Variants in MCPH1 observed in about 807,000 individuals in gnomAD.
The protein encoded by MCPH1 is microcephalin 1, also known as microcephalin.
Under a neutral mutation model 84.5 loss-of-function variants are expected in MCPH1, and 104 were observed. That is an observed-to-expected ratio of 1.23 (90% CI 1.05 to 1.45). The LOEUF is 1.45. Ranked by LOEUF, MCPH1 falls within the 40% of genes most tolerant of loss-of-function variation. The probability of loss-of-function intolerance (pLI) is 0.00; values close to 1 mark genes in which losing one functional copy is unlikely to be tolerated. For missense variants in MCPH1, 1,498 were observed against 1,005.7 expected, an observed-to-expected ratio of 1.49 and a Z score of -6.62; for synonymous variants, 514 against 366.8, an observed-to-expected ratio of 1.40 and a Z score of -4.58.
At chr8:6,472,737 G>C (rs1004940688) in intron 9 of MCPH1, among the ~76,000 whole-genome samples, 1 of 152,124 alleles carries the variant, frequency 6.6e-6, no homozygotes, top group African/African-American at 2.4e-5. Flanking sequence ...CAAAGTGCTG[G>C]AATTACAGGG....
chr8:6,479,436 A>T (rs903410134), intron 10 of MCPH1, among the ~76,000 whole-genome samples: 1 of 147,858 alleles, frequency 6.8e-6, no homozygotes, highest in Non-Finnish European at 1.5e-5. Flanking sequence ...TTATTTATTT[A>T]TTTATTTATT....
chr8:6,452,258 T>A (rs1055323094), intron 8 of MCPH1, among the ~76,000 whole-genome samples: 1 of 152,258 alleles, frequency 6.6e-6, no homozygotes, highest in African/African-American at 2.4e-5. Context: ...AGCTGAAGGT[T>A]GTGATTTAAC....
At chr8:6,413,178 A>G (rs1798777691) in intron 2 of MCPH1, among the ~76,000 whole-genome samples, 2 of 152,200 alleles carry the variant, frequency 1.3e-5, no homozygotes, top group African/African-American at 4.8e-5. Context: ...TGAGTGTAAA[A>G]TGCTAGCACA....
chr8:6,470,910 T>C (rs770349469), intron 9 of MCPH1, among the ~76,000 whole-genome samples: 15 of 152,268 alleles, frequency 9.9e-5, no homozygotes, highest in Non-Finnish European at 1.8e-4. Flanking sequence ...GTGTCTTTTC[T>C]ACCATCCAGT....
chr8:6,626,608 T>C (rs1832105742), intron 13 of MCPH1: 1 of 984,320 alleles, frequency 1.0e-6, no homozygotes, highest in Admixed American at 6.2e-5. Context: ...ATATTGATAA[T>C]ACATATTATA....
intron 12 of MCPH1, among the ~76,000 whole-genome samples, chr8:6,576,351 G>C (rs1827096538): frequency 6.6e-6 from 1 of 152,066 alleles, no homozygotes; most frequent in African/African-American, 2.4e-5. Flanking sequence ...CCAGCACTTA[G>C]GCACTTATCC....
chr8:6,506,635 G>A (rs781594757), intron 12 of MCPH1, among the ~76,000 whole-genome samples: 1 of 152,120 alleles, frequency 6.6e-6, no homozygotes, highest in African/African-American at 2.4e-5. Context: ...CTTTAAAAAG[G>A]ATGATTGTGC....
chr8:6,411,718 T>C (rs994030991), intron 2 of MCPH1, among the ~76,000 whole-genome samples: 2 of 152,220 alleles, frequency 1.3e-5, no homozygotes, highest in Admixed American at 6.5e-5. Context: ...TGTTAATCTG[T>C]GCCTAATTTG....
intron 12 of MCPH1, among the ~76,000 whole-genome samples, chr8:6,596,504 G>T (rs1462297216): frequency 6.6e-6 from 1 of 152,190 alleles, no homozygotes; most frequent in Non-Finnish European, 1.5e-5. Flanking sequence ...GGCAGCCAAG[G>T]GGACCTGGCC....
At chr8:6,612,034 T>C (rs1830325022) in intron 12 of MCPH1, among the ~76,000 whole-genome samples, 1 of 152,144 alleles carries the variant, frequency 6.6e-6, no homozygotes, top group South Asian at 2.1e-4. Context: ...CCTCCAAAGA[T>C]TGGGCACGTT....
intron 3 of MCPH1, among the ~76,000 whole-genome samples, chr8:6,419,171 ACACACACACACACACACGC>A (rs1217696707): frequency 3.7e-4 from 14 of 37,448 alleles, no homozygotes; most frequent in Non-Finnish European, 1.2e-3. Flanking sequence ...ACACACACAC[ACACACACACACACACACGC>A]ATTTTTACCC....
intron 3 of MCPH1, among the ~76,000 whole-genome samples, chr8:6,422,620 A>T (rs1800381540): frequency 6.6e-6 from 1 of 151,794 alleles, no homozygotes. Context: ...CCCACCACTA[A>T]CCCCAGCCTT....
intron 11 of MCPH1, among the ~76,000 whole-genome samples, chr8:6,487,745 T>G (rs1810106329): frequency 6.6e-6 from 1 of 152,204 alleles, no homozygotes; most frequent in African/African-American, 2.4e-5. Context: ...CGGCTTGATT[T>G]CAAAGTCCTT....
chr8:6,575,718 AG>A (rs1328233446), intron 12 of MCPH1, among the ~76,000 whole-genome samples: 1 of 152,268 alleles, frequency 6.6e-6, no homozygotes, highest in Admixed American at 6.5e-5. Context: ...ACTGGAGTGG[AG>A]TGGGCCCCTA....
At position 6,643,081 on chromosome 8, in the gene MCPH1, A is replaced by G; in HGVS notation, c.*32A>G. 1 of 1,587,200 alleles carries G rather than the reference A, an allele frequency of 6.3e-7. No individual in the cohort carries two copies. Among genetic ancestry groups the G allele is most frequent in the Non-Finnish European group, 8.7e-7 (1 of 1,155,762 alleles). On this transcript the variant is annotated 3_prime_UTR_variant, in exon 14 of 14. Coordinates refer to ENST00000344683, the MANE Select transcript of MCPH1 (RefSeq NM_024596.5). ...CCTCACTGGCCTGTGGTGACTGCAC[A>G]CAGCTCGCAAAACTGTCTTTGGATG...
chr8:6,542,291 GGTGT>G (rs59101845), intron 12 of MCPH1, among the ~76,000 whole-genome samples: 9 of 150,026 alleles, frequency 6.0e-5, no homozygotes, highest in East Asian at 3.9e-4. Flanking sequence ...GTGAGGTAGG[GGTGT>G]GTGTGTGTGT....
chr8:6,414,933 A>T (rs1309329740), intron 3 of MCPH1, 50 bp downstream of exon 3: 1 of 1,587,224 alleles, frequency 6.3e-7, no homozygotes, highest in Non-Finnish European at 8.6e-7. Flanking sequence ...AGTATTGAAA[A>T]TGTGTGGAGA....
intron 12 of MCPH1, among the ~76,000 whole-genome samples, chr8:6,599,561 C>G (rs916630422): frequency 6.6e-6 from 1 of 152,132 alleles, no homozygotes; most frequent in Non-Finnish European, 1.5e-5. Flanking sequence ...GATGTAATAG[C>G]TTATTTGTAA....
At chr8:6,423,709 CA>C (rs1296580906) in intron 3 of MCPH1, among the ~76,000 whole-genome samples, 1 of 152,038 alleles carries the variant, frequency 6.6e-6, no homozygotes, top group African/African-American at 2.4e-5. Flanking sequence ...TTTAAATCCC[CA>C]AAGTGGGCTG....
Sources: allele counts gnomAD v4.1 joint callset (sites outside exome capture counted in the v4.1 genomes callset), GRCh38; gene constraint gnomAD v4.1.1; transcripts MANE v1.5; gene names NCBI Gene and HGNC (gene_info 2026-07-23, HGNC 2026-07-21).